UGGT1: variants seen among roughly 807,000 people sequenced by gnomAD.
The protein encoded by UGGT1 is UDP-glucose glycoprotein glucosyltransferase 1.
Under a neutral mutation model 203.9 loss-of-function variants are expected in UGGT1, and 107 were observed. The observed-to-expected ratio is 0.52, with a 90% CI of 0.45 to 0.62. The LOEUF is 0.62. UGGT1 is among the 20% of genes least tolerant of loss of function. UGGT1 has a pLI of 0.00. For missense variants in UGGT1, 1,673 were observed against 1,867.2 expected (o/e 0.90, Z 1.92); for synonymous variants, 628 against 653.5 (o/e 0.96, Z 0.59).
chr2:128,178,383 G>A (rs1333846825), intron 33 of UGGT1, 85 bp from the exon 34 acceptor site: 3 of 1,141,338 alleles, frequency 2.6e-6, no homozygotes, highest in Non-Finnish European at 3.8e-6. Flanking sequence ...AGGATGGGAA[G>A]CGCAGTCTCT....
At chr2:128,094,025 C>T (rs1433431391) in intron 1 of UGGT1, among the ~76,000 whole-genome samples, 2 of 152,114 alleles carry the variant, frequency 1.3e-5, no homozygotes, top group Non-Finnish European at 2.9e-5. Flanking sequence ...GCTGGGGTTT[C>T]CTCAGGGGAC....
chr2:128,188,806 A>T (rs1314139810), intron 40 of UGGT1, among the ~76,000 whole-genome samples: 1 of 152,186 alleles, frequency 6.6e-6, no homozygotes, highest in African/African-American at 2.4e-5. Context: ...ACCAAGCAAG[A>T]CCCTGTCTCA....
chr2:128,168,711 T>A (rs1690922575), intron 26 of UGGT1, among the ~76,000 whole-genome samples: 1 of 152,142 alleles, frequency 6.6e-6, no homozygotes, highest in South Asian at 2.1e-4. Flanking sequence ...CTGTGTGACT[T>A]CACAGGGAGT....
At chr2:128,132,465 T>G (rs1169850052) in intron 13 of UGGT1, among the ~76,000 whole-genome samples, 1 of 152,158 alleles carries the variant, frequency 6.6e-6, no homozygotes, top group Non-Finnish European at 1.5e-5. Context: ...CGAGAATCGT[T>G]TGAACCCAGG....
chr2:128,187,343 C>T (rs1367383210), intron 39 of UGGT1, 106 bp from the exon 40 acceptor site: 1 of 1,263,890 alleles, frequency 7.9e-7, no homozygotes, highest in Non-Finnish European at 1.1e-6. Flanking sequence ...TGGTTCCTTA[C>T]TATTGTTTTC....
intron 1 of UGGT1, among the ~76,000 whole-genome samples, chr2:128,094,851 C>T (rs1289964495): frequency 2.0e-5 from 3 of 149,322 alleles, no homozygotes; most frequent in East Asian, 2.0e-4. Context: ...CGGGTTCAAG[C>T]GATTCTCCTG....
chr2:128,092,359 G>C (rs1376735632), intron 1 of UGGT1, among the ~76,000 whole-genome samples: 1 of 97,034 alleles, frequency 1.0e-5, no homozygotes, highest in South Asian at 2.9e-4. Context: ...GTAGAGATGA[G>C]GTCTTGTTAC....
intron 10 of UGGT1, among the ~76,000 whole-genome samples, chr2:128,122,072 T>A (rs1688406028): frequency 1.3e-5 from 2 of 152,244 alleles, no homozygotes; most frequent in South Asian, 4.1e-4. Flanking sequence ...AGAATAAGAT[T>A]TTGTTTGGAC....
At chr2:128,100,018 A>ATC (rs1553431313) in intron 2 of UGGT1, among the ~76,000 whole-genome samples, 2 of 34,914 alleles carry the variant, frequency 5.7e-5, no homozygotes, top group African/African-American at 2.1e-4. Context: ...GAGATTTACA[A>ATC]CCCCCCCCCC....
intron 33 of UGGT1, 89 bp from the exon 34 acceptor site, chr2:128,178,379 G>A: frequency 9.0e-7 from 1 of 1,105,472 alleles, no homozygotes; most frequent in Non-Finnish European, 1.3e-6. Flanking sequence ...GGGAAGGATG[G>A]GAAGCGCAGT....
chr2:128,176,958 A>G (rs1691426614), intron 32 of UGGT1, 60 bp downstream of exon 32: 1 of 1,507,514 alleles, frequency 6.6e-7, no homozygotes, highest in South Asian at 1.1e-5. Flanking sequence ...AAAAATATGT[A>G]TCTTGGAACC....
At chr2:128,129,462 G>C (rs905078570) in intron 13 of UGGT1, among the ~76,000 whole-genome samples, 4 of 149,472 alleles carry the variant, frequency 2.7e-5, no homozygotes, top group African/African-American at 4.9e-5. Flanking sequence ...GCAGTGGCGC[G>C]ATCTTGGCTT....
At chr2:128,147,215 C>T (rs1279072444) in intron 18 of UGGT1, among the ~76,000 whole-genome samples, 2 of 152,240 alleles carry the variant, frequency 1.3e-5, no homozygotes, top group African/African-American at 2.4e-5. Flanking sequence ...ACTGGATAAT[C>T]TCAGTTTATC....
Position 128,153,405 on chromosome 2 carries a change from A to G in UGGT1, c.2137+501A>G, listed in dbSNP as rs373546687. Among the ~76,000 whole-genome samples, 4 of 148,448 alleles carry G rather than the reference A, an allele frequency of 2.7e-5. No homozygotes were observed. The East Asian group carries it at 5.8e-4, about 22-fold the overall frequency. Reference sequence around the variant, plus strand: ...ATACAATTCAATGGTTTTTTTAATGAAAAAAACCCCACAAAGTTTGTGCAG... The same window carrying G: ...ATACAATTCAATGGTTTTTTTAATGGAAAAAACCCCACAAAGTTTGTGCAG... On this transcript the variant is annotated intron_variant, in intron 19 of 40. Coordinates refer to ENST00000259253, the MANE Select transcript of UGGT1 (RefSeq NM_020120.4).
intron 1 of UGGT1, among the ~76,000 whole-genome samples, chr2:128,096,825 G>T (rs947312088): frequency 2.6e-5 from 4 of 152,082 alleles, no homozygotes; most frequent in African/African-American, 9.7e-5. Context: ...GTGCAACCTG[G>T]TGTGCCACCA....
intron 12 of UGGT1, among the ~76,000 whole-genome samples, chr2:128,128,761 T>G (rs1205638053): frequency 6.6e-6 from 1 of 152,240 alleles, no homozygotes; most frequent in Non-Finnish European, 1.5e-5. Flanking sequence ...GTATCTCTTT[T>G]TAATCTTTAT....
intron 32 of UGGT1, 96 bp downstream of exon 32, chr2:128,176,994 C>A: frequency 8.0e-7 from 1 of 1,249,612 alleles, no homozygotes; most frequent in Non-Finnish European, 1.1e-6. Context: ...TTGGAATTTG[C>A]TATGGCAATT....
intron 23 of UGGT1, 70 bp from the exon 24 acceptor site, chr2:128,160,390 A>C: frequency 1.4e-6 from 2 of 1,459,600 alleles, no homozygotes; most frequent in Non-Finnish European, 1.8e-6. Context: ...TGGTTTATTC[A>C]CTGTGTTTAT....
chr2:128,126,807 T>C (rs10171299), intron 11 of UGGT1, among the ~76,000 whole-genome samples: 136,415 of 151,488 alleles, frequency 0.9, 62,201 homozygotes, highest in Non-Finnish European at 0.98. Context: ...CTCAGCCTCC[T>C]AGGCAGCTGG....
Sources: gnomAD v4.1 joint callset for allele counts (sites outside exome capture counted in the v4.1 genomes callset) on GRCh38, gnomAD v4.1.1 for gene constraint, MANE v1.5 for transcripts, NCBI Gene and HGNC (gene_info 2026-07-23, HGNC 2026-07-21) for gene names.